Variants in SLC7A14 observed in about 807,000 individuals in gnomAD.
SLC7A14 encodes gamma-aminobutyric acid transporter SLC7A14.
In SLC7A14, 37 loss-of-function variants were observed where a neutral mutation model predicts 60.2. That is an observed-to-expected ratio of 0.61 (90% CI 0.47 to 0.81). The LOEUF is 0.81. SLC7A14 is among the 30% of genes least tolerant of loss of function. SLC7A14 has a pLI of 0.00. For missense variants in SLC7A14, 886 were observed against 982.7 expected (o/e 0.90, Z 1.32); for synonymous variants, 399 against 395.8 (o/e 1.01, Z -0.10).
chr3:170,532,322 G>A lies in SLC7A14; in HGVS notation c.-152-5234C>T, dbSNP rs1158760173. Among the ~76,000 whole-genome samples, 2 of 152,164 alleles carry A rather than the reference G, an allele frequency of 1.3e-5. No individual in the cohort carries two copies. Among genetic ancestry groups the A allele is most frequent in the Non-Finnish European group, 2.9e-5 (2 of 68,012 alleles). Reference sequence around the variant, plus strand: ...CTGTGGGATCTGAGGACCCTTCTGAGGTCTCTGCCCACTCCCGCATCCAGG... The same window carrying A: ...CTGTGGGATCTGAGGACCCTTCTGAAGTCTCTGCCCACTCCCGCATCCAGG... On this transcript the variant is annotated intron_variant, in intron 1 of 7. Coordinates refer to ENST00000231706, the MANE Select transcript of SLC7A14 (RefSeq NM_020949.3). The surrounding 1 kb of genome is among the most constrained non-coding windows in gnomAD (Gnocchi z 4.0).
intron 2 of SLC7A14, among the ~76,000 whole-genome samples, chr3:170,509,821 G>A (rs535869957): frequency 2.0e-5 from 3 of 151,832 alleles, no homozygotes; most frequent in East Asian, 1.9e-4. Flanking sequence ...GTGCATGCCC[G>A]TAATCCCAGC....
chr3:170,508,482 G>C (rs1045389434), intron 2 of SLC7A14, among the ~76,000 whole-genome samples: 4 of 152,268 alleles, frequency 2.6e-5, no homozygotes, highest in Admixed American at 2.6e-4. Context: ...AGGAAGGTTG[G>C]GGTGGGCTGA....
chr3:170,583,941 CCTGCTATAAT>C (rs1406547698), intron 1 of SLC7A14, among the ~76,000 whole-genome samples: 1 of 152,050 alleles, frequency 6.6e-6, no homozygotes, highest in East Asian at 1.9e-4. Context: ...TTGTCATTCT[CCTGCTATAAT>C]CTCCAATAAC....
At chr3:170,580,672 T>C in intron 1 of SLC7A14, among the ~76,000 whole-genome samples, 1 of 152,206 alleles carries the variant, frequency 6.6e-6, no homozygotes, top group Non-Finnish European at 1.5e-5. Flanking sequence ...AAAGGTAAAC[T>C]AGATCTCTGG....
At chr3:170,567,783 G>C (rs1194682599) in intron 1 of SLC7A14, among the ~76,000 whole-genome samples, 1 of 151,072 alleles carries the variant, frequency 6.6e-6, no homozygotes, top group Non-Finnish European at 1.5e-5. Flanking sequence ...TTTTTCATGT[G>C]TTTTTTGGCT....
At chr3:170,559,824 G>C (rs910424195) in intron 1 of SLC7A14, among the ~76,000 whole-genome samples, 1 of 152,220 alleles carries the variant, frequency 6.6e-6, no homozygotes, top group African/African-American at 2.4e-5. Context: ...CTCACACAAT[G>C]TGTAGTTAGC....
Position 170,527,062 on chromosome 3 carries a change from G to A in SLC7A14, c.-126C>T. On this transcript the variant is annotated 5_prime_UTR_variant, in exon 2 of 8. Transcript: ENST00000231706. The stretch of plus-strand genomic sequence containing the variant: ...TTTAGGAAAGGCCCAGAGGGACCCA[G>A]TGCAGCCTTCTCCTGGGCATGAATG... The A allele has an allele frequency of 1.0e-6, 1 of 1,002,798 alleles. No individual in the cohort carries two copies. The highest frequency in any genetic ancestry group is 1.6e-5 in the African/African-American group (1 of 61,478). 62.1% of individuals were successfully genotyped at this position (1,002,798 alleles called of 1,614,324 possible).
In SLC7A14 at chr3:170,461,413, C is replaced by T. The variant is rs1342053338; in HGVS notation, c.*5642G>A. 1.3e-5 allele frequency: 2 copies of T among 152,150 alleles called. No individual in the cohort carries two copies. Among genetic ancestry groups the T allele is most frequent in the East Asian group, 3.8e-4 (2 of 5,200 alleles). The allele number at this position is 152,150 out of a possible 1,614,324, so 9.4% of individuals were successfully genotyped here. On this transcript the variant is annotated 3_prime_UTR_variant, in exon 8 of 8. Coordinates refer to ENST00000231706, the MANE Select transcript of SLC7A14 (RefSeq NM_020949.3). ...TGATTTCAGAATGATGCCTGCATTACTCAAGCAGGACAAGAAGAGGAAAGC... is the reference window on the plus strand; with the variant it reads ...TGATTTCAGAATGATGCCTGCATTATTCAAGCAGGACAAGAAGAGGAAAGC...
At chr3:170,519,299 G>T (rs1323213322) in intron 2 of SLC7A14, among the ~76,000 whole-genome samples, 2 of 152,182 alleles carry the variant, frequency 1.3e-5, no homozygotes, top group Non-Finnish European at 2.9e-5. Flanking sequence ...CCTTATAGAT[G>T]TGGCAGTGAC....
In SLC7A14 at chr3:170,488,897, G is replaced by A. The variant is rs565450910; in HGVS notation, c.760-2529C>T. Among the ~76,000 whole-genome samples the A allele has an allele frequency of 7.4e-4, 112 of 152,132 alleles. No individual in the cohort carries two copies. In the South Asian group the frequency reaches 0.019, roughly 25 times the overall value. On this transcript the variant is annotated intron_variant, in intron 4 of 7. Coordinates refer to ENST00000231706, the MANE Select transcript of SLC7A14 (RefSeq NM_020949.3). ...AATAAGCGGGGTTATAAATAAATCA[G>A]TATGTTGGCTATCTCTATATCTTAG...
intron 1 of SLC7A14, among the ~76,000 whole-genome samples, chr3:170,573,727 A>G (rs1715011407): frequency 6.6e-6 from 1 of 152,244 alleles, no homozygotes; most frequent in Non-Finnish European, 1.5e-5. Flanking sequence ...GGACACAACT[A>G]TTCTGGTAAC....
In SLC7A14 at chr3:170,487,210, G is replaced by A. The variant is rs577220282; in HGVS notation, c.760-842C>T. 8.7e-4 allele frequency among the ~76,000 whole-genome samples: 125 copies of A among 144,358 alleles called. 1 individual carries two copies. Among genetic ancestry groups the A allele is most frequent in the Non-Finnish European group, 1.7e-3 (113 of 66,606 alleles). 94.7% of individuals were successfully genotyped at this position (144,358 alleles called of 152,430 possible). ...CAGGAGTCCACATGGCTCCAGGGGT[G>A]TTTGGGAATGTATTATATATGTCAA... On this transcript the variant is annotated intron_variant, in intron 4 of 7. Coordinates refer to ENST00000231706, the MANE Select transcript of SLC7A14 (RefSeq NM_020949.3).
intron 1 of SLC7A14, among the ~76,000 whole-genome samples, chr3:170,568,351 G>C (rs940578294): frequency 1.2e-4 from 18 of 152,086 alleles, no homozygotes; most frequent in African/African-American, 3.6e-4. Context: ...GGGCTCTGTT[G>C]TGTTCCATTG....
At chr3:170,496,590 G>T in intron 4 of SLC7A14, 4 of 1,595,006 alleles carry the variant, frequency 2.5e-6, no homozygotes. Context: ...CCTGGACATG[G>T]AGATCGCCAC....
chr3:170,459,960 T>C lies in SLC7A14; in HGVS notation c.*7095A>G, dbSNP rs1041400608. The C allele has an allele frequency of 6.6e-6, 1 of 152,196 alleles. No individual in the cohort carries two copies. Among genetic ancestry groups the C allele is most frequent in the African/African-American group, 2.4e-5 (1 of 41,458 alleles). The allele number at this position is 152,196 out of a possible 1,614,324, so 9.4% of individuals were successfully genotyped here. Reference sequence around the variant, plus strand: ...TATACACATTTTGTTAAATTTAGAATTTTCCCTTAGTATCTTGATAAATCA... The same window carrying C: ...TATACACATTTTGTTAAATTTAGAACTTTCCCTTAGTATCTTGATAAATCA... On this transcript the variant is annotated 3_prime_UTR_variant, in exon 8 of 8. Transcript: ENST00000231706.
chr3:170,491,039 G>C (rs539552737), intron 4 of SLC7A14, among the ~76,000 whole-genome samples: 1 of 152,196 alleles, frequency 6.6e-6, no homozygotes, highest in African/African-American at 2.4e-5. Flanking sequence ...AACTTGACTT[G>C]TGTGTACTAA....
At chr3:170,494,504 G>C (rs1425659613) in intron 4 of SLC7A14, among the ~76,000 whole-genome samples, 1 of 152,174 alleles carries the variant, frequency 6.6e-6, no homozygotes, top group African/African-American at 2.4e-5. Context: ...GAGAATAAAG[G>C]CCTCAGAACA....
chr3:170,485,180 G>T (rs536612835), intron 5 of SLC7A14, among the ~76,000 whole-genome samples: 9 of 152,292 alleles, frequency 5.9e-5, no homozygotes, highest in South Asian at 2.1e-4. Flanking sequence ...GTGCTAGTGG[G>T]AGGTGATAAT....
rs202243773 is a variant in SLC7A14 at position 170,562,874 on chromosome 3, A to T, written c.-153+23037T>A. Among the ~76,000 whole-genome samples, 4 of 151,800 alleles carry T rather than the reference A, an allele frequency of 2.6e-5. No homozygotes were observed. In the East Asian group the frequency reaches 7.8e-4, roughly 30 times the overall value. Reference sequence around the variant, plus strand: ...CTCCTGGGTTTAAGCGAGTCTCATGACTCAGCCTCCTGAGTAGCTGGGATT... The same window carrying T: ...CTCCTGGGTTTAAGCGAGTCTCATGTCTCAGCCTCCTGAGTAGCTGGGATT... On this transcript the variant is annotated intron_variant, in intron 1 of 7. Transcript: ENST00000231706.
Sources: allele counts gnomAD v4.1 joint callset (sites outside exome capture counted in the v4.1 genomes callset), GRCh38; gene constraint gnomAD v4.1.1; non-coding constraint Gnocchi (gnomAD v3.1); transcripts MANE v1.5; gene names NCBI Gene and HGNC (gene_info 2026-07-23, HGNC 2026-07-21).